The following ACER1 variants were observed in gnomAD, a reference collection of about 807,000 sequenced individuals.
ACER1 encodes alkaline ceramidase 1.
In ACER1, 28 loss-of-function variants were observed where a neutral mutation model predicts 24.9. That is an observed-to-expected ratio of 1.13 (90% CI 0.83 to 1.54). ACER1 has a LOEUF of 1.54. ACER1 is among the 40% of genes most tolerant of loss of function. The probability of loss-of-function intolerance (pLI) is 0.00; values close to 1 mark genes in which losing one functional copy is unlikely to be tolerated. For missense variants in ACER1, 352 were observed against 349.3 expected (o/e 1.01, Z -0.06); for synonymous variants, 132 against 131.4 (o/e 1.00, Z -0.03).
At chr19:6,347,146 A>C in the ACER1 span, among the ~76,000 whole-genome samples, 1 of 145,396 alleles carries the variant, frequency 6.9e-6, no homozygotes, top group Non-Finnish European at 1.5e-5. Context: ...TAATAATAAA[A>C]GATAAGTTAC....
At chr19:6,311,676 A>G (rs940061324) in intron 3 of ACER1, among the ~76,000 whole-genome samples, 11 of 150,890 alleles carry the variant, frequency 7.3e-5, no homozygotes, top group Admixed American at 4.0e-4. Flanking sequence ...GGAGGAGGAG[A>G]AGGAGGAGGA....
At chr19:6,312,318 G>A in intron 2 of ACER1, 28 bp from the exon 3 acceptor site, 1 of 1,613,754 alleles carries the variant, frequency 6.2e-7, no homozygotes, top group African/African-American at 1.3e-5. Flanking sequence ...GGCGGTCAGT[G>A]GGGTCCGCCA....
rs376596371 is a variant in ACER1, at chr19:6,312,413, G to A, written c.180C>T (p.Tyr60=). The change falls in exon 2 of 6, where the codon TAC becomes TAT. Residue 60 remains tyrosine (Y), a synonymous_variant. Transcript: ENST00000301452. ...TGATCATGAAGAGGACCCAGACAAC[G>A]TAAATGTAGCGGGAGCGCTTCTGGG... is the stretch of plus-strand genomic sequence containing the variant. ...PYAQKRSRYI[Y]VVWVLFMIIG... 1.3e-5 allele frequency: 21 copies of A among 1,613,870 alleles called. No homozygotes were observed. Among genetic ancestry groups the A allele is most frequent in the African/African-American group, 1.2e-4 (9 of 74,904 alleles).
At chr19:6,329,342 G>C (rs761376842) in intron 1 of ACER1, among the ~76,000 whole-genome samples, 19 of 89,612 alleles carry the variant, frequency 2.1e-4, no homozygotes, top group Non-Finnish European at 3.7e-4. Context: ...CCTGTTTGGA[G>C]AGAGGCTTTT....
the ACER1 span, among the ~76,000 whole-genome samples, chr19:6,345,888 TA>T: frequency 6.6e-6 from 1 of 150,804 alleles, no homozygotes; most frequent in African/African-American, 2.4e-5. Context: ...TTTATTATAA[TA>T]ATAATAATAA....
intron 1 of ACER1, among the ~76,000 whole-genome samples, chr19:6,330,708 G>C (rs1191526946): frequency 6.7e-6 from 1 of 149,908 alleles, no homozygotes; most frequent in Non-Finnish European, 1.5e-5. Context: ...AAGAGCTCTA[G>C]AGCCCTTACC....
the ACER1 span, among the ~76,000 whole-genome samples, chr19:6,355,350 C>T: frequency 3.4e-5 from 5 of 146,270 alleles, no homozygotes; most frequent in Non-Finnish European, 7.4e-5. Context: ...GCGTCTCTGC[C>T]TGGCCACCAC....
intron 3 of ACER1, among the ~76,000 whole-genome samples, chr19:6,310,972 C>T (rs2144997580): frequency 6.6e-6 from 1 of 151,264 alleles, no homozygotes; most frequent in South Asian, 2.1e-4. Context: ...CCCAGGTGAG[C>T]CCAGGCAGCG....
intron 1 of ACER1, among the ~76,000 whole-genome samples, chr19:6,316,411 C>T (rs1354412744): frequency 6.6e-6 from 1 of 152,184 alleles, no homozygotes; most frequent in Non-Finnish European, 1.5e-5. Flanking sequence ...TCACTCCAAC[C>T]TGGGTGACAG....
At chr19:6,357,500 G>A in the ACER1 span, among the ~76,000 whole-genome samples, 11 of 152,040 alleles carry the variant, frequency 7.2e-5, no homozygotes, top group African/African-American at 1.4e-4. Context: ...AGCCAAGCGC[G>A]GTGGTTCACA....
At chr19:6,318,272 C>T (rs998645149) in intron 1 of ACER1, among the ~76,000 whole-genome samples, 1 of 151,996 alleles carries the variant, frequency 6.6e-6, no homozygotes, top group Non-Finnish European at 1.5e-5. Context: ...GAGTTCGAGA[C>T]CAGCCTGGCC....
the ACER1 span, among the ~76,000 whole-genome samples, chr19:6,340,913 T>C: frequency 6.6e-6 from 1 of 152,048 alleles, no homozygotes; most frequent in East Asian, 2.0e-4. Flanking sequence ...CACACACTTA[T>C]CATCTTACCT....
At chr19:6,355,791 G>A in the ACER1 span, among the ~76,000 whole-genome samples, 1 of 148,024 alleles carries the variant, frequency 6.8e-6, no homozygotes, top group Non-Finnish European at 1.5e-5. Flanking sequence ...CCGTCCGGGA[G>A]GGAGGTGGGG....
chr19:6,323,428 A>C, intron 1 of ACER1, among the ~76,000 whole-genome samples: 1 of 147,850 alleles, frequency 6.8e-6, no homozygotes, highest in Non-Finnish European at 1.5e-5. Context: ...CAAAAAAAAA[A>C]AAGAAAAAAA....
chr19:6,327,292 A>G (rs549013725), intron 1 of ACER1, among the ~76,000 whole-genome samples: 1 of 152,244 alleles, frequency 6.6e-6, no homozygotes, highest in African/African-American at 2.4e-5. Flanking sequence ...TTAGCTGGGG[A>G]TGGTGGTGCA....
At chr19:6,341,523 CAAA>C in the ACER1 span, among the ~76,000 whole-genome samples, 5 of 60,678 alleles carry the variant, frequency 8.2e-5, no homozygotes, top group Non-Finnish European at 1.1e-4. Context: ...GACCTTGTCT[CAAA>C]AAAAAAAAAA....
chr19:6,356,394 G>A, the ACER1 span, among the ~76,000 whole-genome samples: 1 of 149,538 alleles, frequency 6.7e-6, no homozygotes, highest in Non-Finnish European at 1.5e-5. Flanking sequence ...TTGTTTATCT[G>A]CTGACCCTCC....
chr19:6,309,657 A>G lies in ACER1; in HGVS notation c.488+40T>C, dbSNP rs754724699. On this transcript the variant is annotated intron_variant, in intron 4 of 5. Transcript: ENST00000301452. ...TGGAGTCAGGGGTGCTAGGAGGGGG[A>G]TGGGAGCCTCCTGCCCAGGCACCTG... 1.6e-5 allele frequency: 25 copies of G among 1,610,764 alleles called. No homozygotes were observed. In the South Asian group the frequency reaches 2.6e-4, roughly 17 times the overall value.
chr19:6,351,241 C>T, the ACER1 span, among the ~76,000 whole-genome samples: 1 of 151,998 alleles, frequency 6.6e-6, no homozygotes, highest in East Asian at 1.9e-4. Context: ...TGGCGGGCAC[C>T]TGTTGTCCCA....
Sources: gnomAD v4.1 joint callset for allele counts (sites outside exome capture counted in the v4.1 genomes callset) on GRCh38, gnomAD v4.1.1 for gene constraint, MANE v1.5 for transcripts, NCBI Gene and HGNC (gene_info 2026-07-23, HGNC 2026-07-21) for gene names.